The following NEDD4 variants were observed in gnomAD, a reference collection of about 807,000 sequenced individuals.
The protein encoded by NEDD4 is E3 ubiquitin-protein ligase NEDD4.
A neutral mutation model predicts 144.9 loss-of-function variants in NEDD4; 99 were observed. The observed-to-expected ratio is 0.68, with a 90% CI of 0.58 to 0.81. The LOEUF (loss-of-function observed/expected upper bound fraction) is 0.81. Among genes scored for constraint, NEDD4 ranks in the 30% least tolerant of loss-of-function variants. The pLI is 0.00. For missense variants in NEDD4, 985 were observed against 1,065.9 expected (o/e 0.92, Z 1.06); for synonymous variants, 318 against 350.6 (o/e 0.91, Z 1.04).
At chr15:55,859,760 C>T (rs1418981409) in intron 11 of NEDD4, among the ~76,000 whole-genome samples, 2 of 152,052 alleles carry the variant, frequency 1.3e-5, no homozygotes, top group East Asian at 3.9e-4. Context: ...AAAAGCAGTC[C>T]CTAACATCCA....
At chr15:55,836,905 C>T (rs181573750) in intron 24 of NEDD4, among the ~76,000 whole-genome samples, 73 of 151,788 alleles carry the variant, frequency 4.8e-4, no homozygotes, top group Non-Finnish European at 8.7e-4. Flanking sequence ...GCAATCCTCC[C>T]GCCTCAGCCT....
chr15:55,833,077 T>C lies in NEDD4; in HGVS notation c.2458A>G (p.Arg820Gly), dbSNP rs760766144. 9 of 1,612,982 alleles carry C rather than the reference T, an allele frequency of 5.6e-6. No homozygotes were observed. Among genetic ancestry groups the C allele is most frequent in the African/African-American group, 1.3e-5 (1 of 74,868 alleles). Reference sequence around the variant, plus strand: ...GTGACAAACTGAAGTAATCTTATTCTTTTTTCTGAATCCATCATTAAAACA... The same window carrying C: ...GTGACAAACTGAAGTAATCTTATTCCTTTTTCTGAATCCATCATTAAAACA... ...KAVLMMDSEK[R>G]IRLLQFVTGT... The change falls in exon 27 of 29, where the codon AGA becomes GGA. Residue 820 changes from arginine to glycine, a missense_variant. Coordinates refer to ENST00000435532, the MANE Select transcript of NEDD4 (RefSeq NM_006154.4).
intron 2 of NEDD4, among the ~76,000 whole-genome samples, chr15:55,960,906 C>A (rs2037414256): frequency 6.6e-6 from 1 of 152,216 alleles, no homozygotes; most frequent in African/African-American, 2.4e-5. Flanking sequence ...TGGCTCCCCA[C>A]TTCCTGTTGG....
intron 5 of NEDD4, among the ~76,000 whole-genome samples, chr15:55,892,530 C>T (rs1478890511): frequency 2.0e-5 from 3 of 151,688 alleles, no homozygotes; most frequent in African/African-American, 7.3e-5. Context: ...TTTGTTTTTT[C>T]AGTTTTCAGA....
intron 7 of NEDD4, among the ~76,000 whole-genome samples, chr15:55,870,031 G>A (rs1248717773): frequency 6.6e-6 from 1 of 152,088 alleles, no homozygotes; most frequent in East Asian, 1.9e-4. Flanking sequence ...AAAGGCATAT[G>A]AGTAAAGAAG....
At position 55,936,914 on chromosome 15, in the gene NEDD4, T is replaced by C. The variant is rs148400474; in HGVS notation, c.238-12215A>G. On this transcript the variant is annotated intron_variant, in intron 4 of 28. Transcript: ENST00000435532. ...TTCAAGTGATTCTCCTGCCTCACCCTCTTGAGTAGTTGGGATTACAGGCAT... is the reference window on the plus strand; with the variant it reads ...TTCAAGTGATTCTCCTGCCTCACCCCCTTGAGTAGTTGGGATTACAGGCAT... 5.3e-5 allele frequency among the ~76,000 whole-genome samples: 8 copies of C among 151,882 alleles called. No homozygotes were observed. In the South Asian group the frequency reaches 1.2e-3, roughly 24 times the overall value.
intron 1 of NEDD4, among the ~76,000 whole-genome samples, chr15:55,978,067 G>A (rs1314697905): frequency 6.6e-6 from 1 of 152,116 alleles, no homozygotes; most frequent in Non-Finnish European, 1.5e-5. Flanking sequence ...TGAGAAAAGA[G>A]ATTACCATCT....
chr15:55,954,120 C>T (rs2037295207), intron 2 of NEDD4, among the ~76,000 whole-genome samples: 1 of 151,844 alleles, frequency 6.6e-6, no homozygotes, highest in Admixed American at 6.6e-5. Flanking sequence ...GTAAAGTCAT[C>T]AGTCTTGTTA....
At chr15:55,975,685 T>C (rs66846453) in intron 1 of NEDD4, among the ~76,000 whole-genome samples, 20,220 of 151,338 alleles carry the variant, frequency 0.13, 1,465 homozygotes, top group East Asian at 0.32. Context: ...ACAATCAATA[T>C]TGTTAAAATG....
At position 55,916,803 on chromosome 15, in the gene NEDD4, G is replaced by C. The variant is rs150752813; in HGVS notation, c.291+7843C>G. 3.4e-5 allele frequency: 55 copies of C among 1,607,878 alleles called. No individual in the cohort carries two copies. In the East Asian group the frequency reaches 1.1e-3, roughly 33 times the overall value. On this transcript the variant is annotated intron_variant, in intron 5 of 28. Transcript: ENST00000435532. ...AGGGTAAGTATTGCTTCTTCTGGCT[G>C]CAAAGTGCAATCGTAAGCTTTGTGC...
chr15:55,975,283 G>T (rs1305059202), intron 1 of NEDD4, among the ~76,000 whole-genome samples: 1 of 151,974 alleles, frequency 6.6e-6, no homozygotes, highest in Admixed American at 6.6e-5. Flanking sequence ...AAATTAGAAA[G>T]GAAGACATCA....
intron 12 of NEDD4, among the ~76,000 whole-genome samples, chr15:55,853,023 T>A (rs2034055515): frequency 6.6e-6 from 1 of 152,118 alleles, no homozygotes; most frequent in African/African-American, 2.4e-5. Flanking sequence ...AGTGCTGGGA[T>A]TACAGGCATG....
At position 55,951,583 on chromosome 15, in the gene NEDD4, A is replaced by C. The variant is rs1179164704; in HGVS notation, c.126T>G (p.Pro42=). 4.7e-6 allele frequency: 7 copies of C among 1,478,774 alleles called. No individual in the cohort carries two copies. Among genetic ancestry groups the C allele is most frequent in the Admixed American group, 2.7e-5 (1 of 37,354 alleles). 91.6% of individuals were successfully genotyped at this position (1,478,774 alleles called of 1,614,324 possible). The change falls in exon 3 of 29, where the codon CCT becomes CCG. Residue 42 remains proline, a synonymous_variant. Transcript: ENST00000435532. ...GGTCATATAACGTCACTCTCACGTA[A>C]GGATCACTGTTAAAAAAAAAAAAAA... The part of the protein sequence containing the change: ...AKKDILGASD[P]YVRVTLYDPM...
intron 21 of NEDD4, among the ~76,000 whole-genome samples, chr15:55,839,259 C>T (rs2033355294): frequency 6.6e-6 from 1 of 151,998 alleles, no homozygotes; most frequent in African/African-American, 2.4e-5. Flanking sequence ...AAACTCCTGA[C>T]CTCAAGTGAT....
chr15:55,900,393 G>T (rs1218801662), intron 5 of NEDD4, among the ~76,000 whole-genome samples: 1 of 152,162 alleles, frequency 6.6e-6, no homozygotes, highest in African/African-American at 2.4e-5. Flanking sequence ...TTGTTATTTT[G>T]TATCTACTGG....
chr15:55,842,871 A>C (rs2033577185), intron 18 of NEDD4, among the ~76,000 whole-genome samples: 2 of 152,172 alleles, frequency 1.3e-5, no homozygotes, highest in African/African-American at 4.8e-5. Context: ...TTCACTCATT[A>C]ACAGATGGTG....
chr15:55,933,535 G>C (rs556281130), intron 4 of NEDD4, among the ~76,000 whole-genome samples: 23 of 127,928 alleles, frequency 1.8e-4, no homozygotes, highest in African/African-American at 6.4e-4. Context: ...GTCGTGGGGT[G>C]GGGGGAGGGG....
intron 17 of NEDD4, 94 bp from the exon 18 acceptor site, chr15:55,847,128 TA>T (rs2033783523): frequency 3.1e-6 from 2 of 651,982 alleles, no homozygotes; most frequent in East Asian, 3.0e-5. Context: ...GTAAGGGCAT[TA>T]AAAGAAAAAT....
chr15:55,883,261 T>C lies in NEDD4; in HGVS notation c.292-9253A>G, dbSNP rs187600619. On this transcript the variant is annotated intron_variant, in intron 5 of 28. Coordinates refer to ENST00000435532, the MANE Select transcript of NEDD4 (RefSeq NM_006154.4). ...GGTGGTAGTCTGGCAGTACTCCCCA[T>C]AGCCCTGTGGCAGGAGTGGCCACGG... Among the ~76,000 whole-genome samples the C allele has an allele frequency of 2.7e-3, 418 of 152,218 alleles. 10 individuals carry two copies. The highest frequency in any genetic ancestry group is 0.022 in the East Asian group (115 of 5,166).
Sources: gnomAD v4.1 joint callset for allele counts (sites outside exome capture counted in the v4.1 genomes callset) on GRCh38, gnomAD v4.1.1 for gene constraint, MANE v1.5 for transcripts, NCBI Gene and HGNC (gene_info 2026-07-23, HGNC 2026-07-21) for gene names.